UAP1: variants seen among roughly 807,000 people sequenced by gnomAD.
UAP1 encodes UDP-N-acetylhexosamine pyrophosphorylase.
In UAP1, 25 loss-of-function variants were observed where a neutral mutation model predicts 58.5. That is an observed-to-expected ratio of 0.43 (90% confidence interval 0.31 to 0.60). The LOEUF is 0.60. Ranked by LOEUF, UAP1 falls within the 20% of genes least tolerant of loss-of-function variation. The probability of loss-of-function intolerance (pLI) is 0.11; values close to 1 mark genes in which losing one functional copy is unlikely to be tolerated. For synonymous variants in UAP1, 208 were observed against 213.0 expected, an observed-to-expected ratio of 0.98 and a Z score of 0.21; for missense variants, 575 against 630.0, an observed-to-expected ratio of 0.91 and a Z score of 0.93.
At chr1:162,580,546 T>A (rs756338051) in intron 4 of UAP1, among the ~76,000 whole-genome samples, 13 of 152,180 alleles carry the variant, frequency 8.5e-5, no homozygotes, top group Non-Finnish European at 1.5e-4. Flanking sequence ...ACTGACAGAT[T>A]TATGTTTATG....
At chr1:162,566,630 A>ATTT (rs60264435) in intron 2 of UAP1, among the ~76,000 whole-genome samples, 1 of 144,662 alleles carries the variant, frequency 6.9e-6, no homozygotes, top group African/African-American at 2.5e-5. Context: ...AGCTGGCTTA[A>ATTT]TTTTTTTTTT....
chr1:162,580,903 G>T (rs1038219755), intron 4 of UAP1, among the ~76,000 whole-genome samples: 1 of 151,996 alleles, frequency 6.6e-6, no homozygotes, highest in African/African-American at 2.4e-5. Flanking sequence ...TCAGCATTGG[G>T]GTTATAAATA....
chr1:162,587,040 A>G (rs1654940799), intron 5 of UAP1, among the ~76,000 whole-genome samples: 1 of 152,200 alleles, frequency 6.6e-6, no homozygotes, highest in Non-Finnish European at 1.5e-5. Context: ...AAAATGAGAG[A>G]CAAAATGCCT....
intron 7 of UAP1, among the ~76,000 whole-genome samples, chr1:162,589,265 TTATTTATAA>T (rs1655150084): frequency 7.8e-6 from 1 of 127,896 alleles, no homozygotes; most frequent in African/African-American, 3.0e-5. Flanking sequence ...AAATATATAT[TTATTTATAA>T]TATATATAAA....
chr1:162,587,441 A>G (rs1314763775), intron 5 of UAP1, 34 bp from the exon 6 acceptor site: 10 of 1,544,484 alleles, frequency 6.5e-6, no homozygotes, highest in Admixed American at 1.9e-5. Context: ...ATTTAATTCA[A>G]TTTCCTCCTC....
rs1040656672 is a variant in UAP1 at position 162,590,908 on chromosome 1, C to T, written c.1358+397C>T. 1.5e-4 allele frequency among the ~76,000 whole-genome samples: 22 copies of T among 149,826 alleles called. 1 individual carries two copies. Among genetic ancestry groups the T allele is most frequent in the Admixed American group, 1.4e-3 (21 of 15,000 alleles). Reference sequence around the variant, plus strand: ...GGATTGTTTGTTGTTGCCCATATATCTGTGGCCTCACCACTATTTTTTTTT... The same window carrying T: ...GGATTGTTTGTTGTTGCCCATATATTTGTGGCCTCACCACTATTTTTTTTT... On this transcript the variant is annotated intron_variant, in intron 8 of 10. Transcript: ENST00000271469.
chr1:162,570,404 C>G (rs1033671090), intron 2 of UAP1, among the ~76,000 whole-genome samples: 18 of 152,208 alleles, frequency 1.2e-4, no homozygotes, highest in African/African-American at 4.3e-4. Context: ...TAGTGAACCC[C>G]CACATAAGCC....
intron 9 of UAP1, 90 bp downstream of exon 9, chr1:162,592,872 TG>T: frequency 8.2e-7 from 1 of 1,226,776 alleles, no homozygotes; most frequent in South Asian, 1.3e-5. Context: ...CTCTGCCTTT[TG>T]GGGGTCTGGA....
intron 2 of UAP1, among the ~76,000 whole-genome samples, chr1:162,567,290 A>C (rs955470916): frequency 6.6e-6 from 1 of 152,234 alleles, no homozygotes; most frequent in Non-Finnish European, 1.5e-5. Flanking sequence ...GTTCTTCCTC[A>C]ATAAATTGTA....
In UAP1 at chr1:162,588,137, A is replaced by C. The variant is rs1655018577; in HGVS notation, c.1028+469A>C. On this transcript the variant is annotated intron_variant, in intron 6 of 10. Transcript: ENST00000271469. The stretch of plus-strand genomic sequence containing the variant: ...CTGGCATTTAGAAACTAGTGTGCTA[A>C]AGAGTGAAGAAATTACTTGACACCT... The C allele has an allele frequency of 2.6e-5, 4 of 155,458 alleles. No homozygotes were observed. The South Asian group carries it at 8.0e-4, about 31-fold the overall frequency. The allele number at this position is 155,458 out of a possible 1,614,324, so 9.6% of individuals were successfully genotyped here. A position where few individuals can be genotyped will look rare whatever the true frequency, so the allele number is the denominator to read the frequency against.
rs1653464939 is a variant in UAP1 at position 162,566,011 on chromosome 1, G to C, written c.-57-1G>C. On this transcript the variant is annotated splice_acceptor_variant, in intron 1 of 10. Transcript: ENST00000271469. LOFTEE classifies it low-confidence loss of function (5UTR_SPLICE). ...TGCCATTAATTACTTTTCTCTTTTA[G>C]GTTTACAGGTACATACATTACACCC... 1 of 1,520,150 alleles carries C rather than the reference G, an allele frequency of 6.6e-7. No individual in the cohort carries two copies. Among genetic ancestry groups the C allele is most frequent in the Non-Finnish European group, 8.8e-7 (1 of 1,132,228 alleles). The allele number at this position is 1,520,150 out of a possible 1,614,324, so 94.2% of individuals were successfully genotyped here.
exon 3 of UAP1, chr1:162,576,960 G>A (rs1409789415): frequency 6.2e-7 from 1 of 1,614,064 alleles, no homozygotes; most frequent in Non-Finnish European, 8.5e-7. Context: ...AAATATTATG[G>A]CAACAAATGC....
At chr1:162,584,415 TA>T (rs1654786837) in intron 5 of UAP1, among the ~76,000 whole-genome samples, 1 of 152,234 alleles carries the variant, frequency 6.6e-6, no homozygotes, top group Non-Finnish European at 1.5e-5. Context: ...ATATGTATCT[TA>T]AAGCACCTAA....
intron 5 of UAP1, among the ~76,000 whole-genome samples, chr1:162,584,649 A>G (rs1654799248): frequency 6.6e-6 from 1 of 151,938 alleles, no homozygotes; most frequent in South Asian, 2.1e-4. Flanking sequence ...TGCCTGGCTA[A>G]TTTTTGTATT....
At chr1:162,576,885 C>T (rs1445166906) in exon 3 of UAP1, 3 of 1,614,004 alleles carry the variant, frequency 1.9e-6, no homozygotes, top group Admixed American at 3.3e-5. Flanking sequence ...GTTGGTTTGC[C>T]ATCCCGTAAG....
exon 4 of UAP1, chr1:162,579,434 A>G (rs1357015426): frequency 1.3e-6 from 2 of 1,569,446 alleles, no homozygotes; most frequent in Non-Finnish European, 1.7e-6. Context: ...TAAGGTATAT[A>G]ATGACCAGTG....
At chr1:162,596,413 G>A (rs1336469796) in intron 9 of UAP1, among the ~76,000 whole-genome samples, 1 of 152,132 alleles carries the variant, frequency 6.6e-6, no homozygotes, top group Non-Finnish European at 1.5e-5. Context: ...GACCTCAGGT[G>A]ATCCACCCAC....
intron 2 of UAP1, among the ~76,000 whole-genome samples, chr1:162,571,597 T>A (rs1653870065): frequency 6.6e-6 from 1 of 152,208 alleles, no homozygotes; most frequent in African/African-American, 2.4e-5. Context: ...AAATTTATAA[T>A]TTCCTAATTG....
In UAP1 at chr1:162,590,403, A is replaced by G. The variant is rs748620976; in HGVS notation, c.1250A>G (p.Asn417Ser). ...GCTGATAGTCAGAATGGGAAAGACA[A>G]CCCTACTACTGCAAGGCATGCTTTG... Residue 417 changes from asparagine (N) to serine (S), a missense_variant, in exon 8 of 11, where the codon AAC becomes AGC. Transcript: ENST00000271469. 9.3e-6 allele frequency: 15 copies of G among 1,613,762 alleles called. No individual in the cohort carries two copies. The highest frequency in any genetic ancestry group is 1.3e-5 in the Non-Finnish European group (15 of 1,179,822).
Sources: gnomAD v4.1 joint callset for allele counts (sites outside exome capture counted in the v4.1 genomes callset) on GRCh38, gnomAD v4.1.1 for gene constraint, MANE v1.5 for transcripts, NCBI Gene and HGNC (gene_info 2026-07-23, HGNC 2026-07-21) for gene names.